The following TYW1 variants were observed in gnomAD, a reference collection of about 807,000 sequenced individuals.
TYW1 encodes the protein tRNA-yW synthesizing protein 1 homolog.
Under a neutral mutation model 96.2 loss-of-function variants are expected in TYW1, and 46 were observed. The observed-to-expected ratio is 0.48, with a 90% CI of 0.38 to 0.61. TYW1 has a LOEUF of 0.61. Among genes scored for constraint, TYW1 ranks in the 20% least tolerant of loss-of-function variants. The probability of loss-of-function intolerance (pLI) is 0.00; values close to 1 mark genes in which losing one functional copy is unlikely to be tolerated. For synonymous variants in TYW1, 274 were observed against 323.0 expected, an observed-to-expected ratio of 0.85 and a Z score of 1.63; for missense variants, 684 against 909.6, an observed-to-expected ratio of 0.75 and a Z score of 3.19.
intron 12 of TYW1, among the ~76,000 whole-genome samples, chr7:67,102,699 T>A (rs565056656): frequency 6.6e-6 from 1 of 152,178 alleles, no homozygotes; most frequent in East Asian, 1.9e-4. Context: ...TCACCCAGGC[T>A]AGAGTGCAGT....
At chr7:67,183,289 G>T in intron 14 of TYW1, 53 bp downstream of exon 14, 1 of 1,516,600 alleles carries the variant, frequency 6.6e-7, no homozygotes, top group Non-Finnish European at 8.9e-7. Context: ...GAATCGTGGT[G>T]CTTCGTTGGC....
intron 11 of TYW1, among the ~76,000 whole-genome samples, chr7:67,098,183 A>C (rs1796979398): frequency 6.6e-6 from 1 of 152,224 alleles, no homozygotes; most frequent in African/African-American, 2.4e-5. Flanking sequence ...GGTCTAGAAG[A>C]AGCTTGTTCT....
intron 13 of TYW1, among the ~76,000 whole-genome samples, chr7:67,134,910 C>A (rs557785131): frequency 7.2e-6 from 1 of 138,384 alleles, no homozygotes; most frequent in Non-Finnish European, 1.5e-5. Flanking sequence ...GAGTTTGAGA[C>A]CAGCCTGAGC....
intron 13 of TYW1, among the ~76,000 whole-genome samples, chr7:67,118,878 G>GAAAAA (rs60194362): frequency 4.2e-5 from 3 of 72,262 alleles, no homozygotes; most frequent in South Asian, 8.4e-4. Context: ...ACCCCTATCT[G>GAAAAA]AAAAAAAAAA....
chr7:67,048,019 C>T (rs1584499822), intron 7 of TYW1, among the ~76,000 whole-genome samples: 1 of 150,414 alleles, frequency 6.6e-6, no homozygotes, highest in East Asian at 2.0e-4. Context: ...AACTCCTGAC[C>T]TCAGGTGATC....
rs796419544 is a variant in TYW1, at chr7:67,222,460, G to A, written c.1978-15848G>A. Reference sequence around the variant, plus strand: ...CCTTCCTCGTGTTTTGCCAGTATAGGATTCCTGGTTGACATTTTTTTTCTT... The same window carrying A: ...CCTTCCTCGTGTTTTGCCAGTATAGAATTCCTGGTTGACATTTTTTTTCTT... On this transcript the variant is annotated intron_variant, in intron 15 of 15. Transcript: ENST00000359626. Among the ~76,000 whole-genome samples the A allele has an allele frequency of 3.1e-4, 45 of 144,552 alleles. 2 individuals are homozygous for A. The highest frequency in any genetic ancestry group is 1.2e-3 in the African/African-American group (44 of 37,600). The allele number at this position is 144,552 out of a possible 152,430, so 94.8% of individuals were successfully genotyped here. A position where few individuals can be genotyped will look rare whatever the true frequency, so the allele number is the denominator to read the frequency against.
At chr7:67,014,587 T>A (rs1258510649) in intron 5 of TYW1, 26 bp downstream of exon 5, 5 of 1,581,906 alleles carry the variant, frequency 3.2e-6, no homozygotes, top group Admixed American at 3.6e-5. Flanking sequence ...ATTATAGGAA[T>A]AAATTCTCCC....
intron 12 of TYW1, among the ~76,000 whole-genome samples, chr7:67,102,251 A>G (rs148698835): frequency 4.6e-5 from 7 of 152,312 alleles, no homozygotes; most frequent in African/African-American, 1.2e-4. Flanking sequence ...ATTATAGAGT[A>G]TGATATAAGA....
At chr7:67,081,679 C>T (rs1248991276) in intron 10 of TYW1, among the ~76,000 whole-genome samples, 1 of 151,304 alleles carries the variant, frequency 6.6e-6, no homozygotes, top group Non-Finnish European at 1.5e-5. Context: ...GTTCCTCCTC[C>T]TCTCTCCTCT....
rs1801388820 is a variant in TYW1, at chr7:67,221,467, G to A, written c.1978-16841G>A. ...TACCAATCTGTGTCTTTGGATGGGA[G>A]GGTTTAATTAATATTCATCGAAAAT... On this transcript the variant is annotated intron_variant, in intron 15 of 15. Coordinates refer to ENST00000359626, the MANE Select transcript of TYW1 (RefSeq NM_018264.4). Among the ~76,000 whole-genome samples, 3 of 152,186 alleles carry A rather than the reference G, an allele frequency of 2.0e-5. 1 individual carries two copies. The South Asian group carries it at 6.2e-4, about 31-fold the overall frequency.
rs762930253 is a variant in TYW1 at position 67,195,302 on chromosome 7, G to A, written c.1942G>A (p.Glu648Lys). 17 of 1,613,224 alleles carry A rather than the reference G, an allele frequency of 1.1e-5. No homozygotes were observed. Among genetic ancestry groups the A allele is most frequent in the South Asian group, 3.3e-5 (3 of 91,010 alleles). Residue 648 changes from glutamate (E) to lysine (K), a missense_variant, in exon 15 of 16, where the codon GAA becomes AAA. Physicochemically the swap from Glu to Lys is moderately conservative, Grantham distance 56. Coordinates refer to ENST00000359626, the MANE Select transcript of TYW1 (RefSeq NM_018264.4). ...CGAATATGAAATTGCATGTGAACAC[G>A]AACACTCTAATTGCCTCCTGATAGC... ...IPEYEIACEH[E>K]HSNCLLIAHR...
chr7:67,138,874 CTGCCATTGGAT>C (rs774474295), intron 13 of TYW1, among the ~76,000 whole-genome samples: 5 of 151,662 alleles, frequency 3.3e-5, no homozygotes, highest in Non-Finnish European at 7.4e-5. Context: ...ATCCATTCAT[CTGCCATTGGAT>C]ACTTAGGTTG....
At chr7:67,144,727 C>A (rs1209270007) in intron 13 of TYW1, among the ~76,000 whole-genome samples, 1 of 152,162 alleles carries the variant, frequency 6.6e-6, no homozygotes, top group African/African-American at 2.4e-5. Context: ...GGGTTGGCCT[C>A]CCAAAGTGCT....
intron 15 of TYW1, 30 bp downstream of exon 15, chr7:67,195,367 G>T: frequency 1.2e-6 from 2 of 1,609,462 alleles, no homozygotes; most frequent in Non-Finnish European, 1.7e-6. Flanking sequence ...GGATTCTTCT[G>T]TTCCCCGACC....
chr7:67,108,330 A>C (rs1444451773), intron 12 of TYW1, among the ~76,000 whole-genome samples: 1 of 152,228 alleles, frequency 6.6e-6, no homozygotes, highest in Non-Finnish European at 1.5e-5. Context: ...GATTTCTCTC[A>C]AACTGATAAA....
At position 67,035,187 on chromosome 7, in the gene TYW1, T is replaced by G. The variant is rs576097419; in HGVS notation, c.984+10165T>G. ...AGGCTGGAGTGTAGTAGTGTGATCTTGGCTCACTGCAACTTCCGCCTCCCA... is the reference window on the plus strand; with the variant it reads ...AGGCTGGAGTGTAGTAGTGTGATCTGGGCTCACTGCAACTTCCGCCTCCCA... On this transcript the variant is annotated intron_variant, in intron 7 of 15. Transcript: ENST00000359626. Among the ~76,000 whole-genome samples, 22 of 151,870 alleles carry G rather than the reference T, an allele frequency of 1.4e-4. No individual in the cohort carries two copies. In the East Asian group the frequency reaches 4.1e-3, roughly 28 times the overall value.
intron 13 of TYW1, among the ~76,000 whole-genome samples, chr7:67,165,351 A>G (rs1410311549): frequency 2.0e-5 from 3 of 152,152 alleles, no homozygotes; most frequent in South Asian, 2.1e-4. Context: ...CATCCAGTCT[A>G]TGTAGCACTG....
At chr7:67,027,589 A>G (rs765748075) in intron 7 of TYW1, among the ~76,000 whole-genome samples, 34 of 152,166 alleles carry the variant, frequency 2.2e-4, no homozygotes, top group Non-Finnish European at 4.4e-4. Context: ...TGCCTCTTAT[A>G]TCTCAGACAA....
chr7:67,146,041 T>TAA (rs1196169537), intron 13 of TYW1, among the ~76,000 whole-genome samples: 2 of 152,198 alleles, frequency 1.3e-5, no homozygotes, highest in Non-Finnish European at 2.9e-5. Context: ...ACTGGGATTA[T>TAA]AGGTGTGAGC....
Sources: allele counts gnomAD v4.1 joint callset (sites outside exome capture counted in the v4.1 genomes callset), GRCh38; gene constraint gnomAD v4.1.1; transcripts MANE v1.5; gene names NCBI Gene and HGNC (gene_info 2026-07-23, HGNC 2026-07-21).